FBXL20: variants seen among roughly 807,000 people sequenced by gnomAD.
The protein encoded by FBXL20 is F-box/LRR-repeat protein 20.
Under a neutral mutation model 64.0 loss-of-function variants are expected in FBXL20, and 11 were observed. The observed-to-expected ratio is 0.17, with a 90% CI of 0.11 to 0.28. The LOEUF is 0.28. Ranked by LOEUF, FBXL20 falls within the 10% of genes least tolerant of loss-of-function variation. The pLI, the probability that FBXL20 is intolerant of heterozygous loss-of-function variation, is 1.00. For synonymous variants in FBXL20, 184 were observed against 189.0 expected (o/e 0.97, Z 0.22); for missense variants, 303 against 526.2 (o/e 0.58, Z 4.15).
chr17:39,315,868 A>AGAGG (rs368094288), intron 2 of FBXL20, among the ~76,000 whole-genome samples: 395 of 144,578 alleles, frequency 2.7e-3, no homozygotes, highest in East Asian at 5.1e-3. Context: ...AGAGAGAGAG[A>AGAGG]GAGCAACTGT....
intron 1 of FBXL20, among the ~76,000 whole-genome samples, chr17:39,396,928 G>C (rs2048189729): frequency 6.7e-6 from 1 of 148,368 alleles, no homozygotes; most frequent in Non-Finnish European, 1.5e-5. Context: ...CTGCACTCCA[G>C]CCTGGGCGAC....
At position 39,259,770 on chromosome 17, in the gene FBXL20, G is replaced by C. The variant is rs916389743; in HGVS notation, c.*1690C>G. 6.6e-6 allele frequency: 1 copy of C among 152,104 alleles called. No homozygotes were observed. Among genetic ancestry groups the C allele is most frequent in the Non-Finnish European group, 1.5e-5 (1 of 68,148 alleles). The allele number at this position is 152,104 out of a possible 1,614,324, so 9.4% of individuals were successfully genotyped here. On this transcript the variant is annotated 3_prime_UTR_variant, in exon 15 of 15. Transcript: ENST00000264658. ...AGGCTGAGGCAGGTGGATCATTTGA[G>C]GTCAGGAGTTCAAGACCAGGCTGGC...
intron 3 of FBXL20, among the ~76,000 whole-genome samples, 197 bp from the exon 4 acceptor site, chr17:39,301,272 G>T (rs1044024769): frequency 1.3e-5 from 2 of 151,996 alleles, no homozygotes; most frequent in Non-Finnish European, 2.9e-5. Flanking sequence ...TCTCATAAAC[G>T]AGTGGGTACT....
intron 1 of FBXL20, among the ~76,000 whole-genome samples, chr17:39,350,728 T>G (rs768807896): frequency 4.6e-5 from 7 of 152,136 alleles, no homozygotes; most frequent in Non-Finnish European, 1.0e-4. Context: ...AACTCCAGGT[T>G]TGTAAGAAAG....
At chr17:39,275,243 G>C (rs953397465) in intron 9 of FBXL20, 143 bp from the exon 10 acceptor site, 1 of 848,496 alleles carries the variant, frequency 1.2e-6, no homozygotes, top group Non-Finnish European at 1.8e-6. Context: ...AGACCTAAAA[G>C]AAAATGAACA....
chr17:39,328,674 A>G (rs1160472384), intron 2 of FBXL20, among the ~76,000 whole-genome samples: 4 of 152,254 alleles, frequency 2.6e-5, no homozygotes, highest in African/African-American at 9.6e-5. Context: ...TTAGAAAATC[A>G]CAATCATATT....
At chr17:39,376,742 C>T (rs2047970833) in intron 1 of FBXL20, among the ~76,000 whole-genome samples, 1 of 152,148 alleles carries the variant, frequency 6.6e-6, no homozygotes, top group Admixed American at 6.6e-5. Context: ...AACCCAGGTG[C>T]AGTGGCTCAT....
intron 8 of FBXL20, among the ~76,000 whole-genome samples, chr17:39,281,681 AATC>A (rs1430477859): frequency 1.1e-4 from 17 of 152,182 alleles, no homozygotes; most frequent in Non-Finnish European, 2.4e-4. Flanking sequence ...AAATTCACAT[AATC>A]ATCAAATCAA....
At chr17:39,268,358 A>AAAT (rs1181535001) in intron 12 of FBXL20, among the ~76,000 whole-genome samples, 1 of 152,132 alleles carries the variant, frequency 6.6e-6, no homozygotes, top group Admixed American at 6.6e-5. Context: ...CATCTCAAAA[A>AAAT]AATAATAATA....
intron 2 of FBXL20, among the ~76,000 whole-genome samples, chr17:39,308,561 TAC>T (rs2047203998): frequency 1.4e-5 from 2 of 140,196 alleles, no homozygotes; most frequent in African/African-American, 6.0e-5. Context: ...AAATTTTTAA[TAC>T]AATAATTTTT....
At chr17:39,371,191 C>T (rs543849042) in intron 1 of FBXL20, among the ~76,000 whole-genome samples, 52 of 151,950 alleles carry the variant, frequency 3.4e-4, no homozygotes, top group South Asian at 1.9e-3. Flanking sequence ...GCAATGAGGG[C>T]GAAACTCCAC....
chr17:39,252,673 ACTTT>A lies in FBXL20; in HGVS notation c.*8783_*8786del, dbSNP rs2046660472. 6.6e-6 allele frequency: 1 copy of A among 152,194 alleles called. No individual in the cohort carries two copies. Among genetic ancestry groups the A allele is most frequent in the Non-Finnish European group, 1.5e-5 (1 of 67,990 alleles). 9.4% of individuals were successfully genotyped at this position (152,194 alleles called of 1,614,324 possible). A position where few individuals can be genotyped will look rare whatever the true frequency, so the allele number is the denominator to read the frequency against. ...GGAAAATGAAAAGTCTTCACAGCTT[ACTTT>A]CTTTAATTACATCATAAAACAAAAT... On this transcript the variant is annotated 3_prime_UTR_variant, in exon 15 of 15. Transcript: ENST00000264658.
intron 1 of FBXL20, among the ~76,000 whole-genome samples, chr17:39,372,338 G>A (rs547084189): frequency 2.6e-5 from 4 of 151,484 alleles, no homozygotes; most frequent in African/African-American, 9.7e-5. Flanking sequence ...GGCCAACAAG[G>A]TGAAACCCCG....
At chr17:39,328,704 CTG>C (rs1244721609) in intron 2 of FBXL20, among the ~76,000 whole-genome samples, 1 of 152,120 alleles carries the variant, frequency 6.6e-6, no homozygotes, top group African/African-American at 2.4e-5. Context: ...ATAGTAATAA[CTG>C]TTTCAGGAAA....
At chr17:39,263,332 T>C (rs2046764331) in intron 14 of FBXL20, among the ~76,000 whole-genome samples, 1 of 151,830 alleles carries the variant, frequency 6.6e-6, no homozygotes, top group Non-Finnish European at 1.5e-5. Context: ...CTGGGCAACA[T>C]GGTAAAATGC....
intron 2 of FBXL20, among the ~76,000 whole-genome samples, chr17:39,329,598 G>A (rs1378547505): frequency 6.6e-6 from 1 of 151,974 alleles, no homozygotes; most frequent in African/African-American, 2.4e-5. Flanking sequence ...ATCTATCTTA[G>A]ATATATATGT....
intron 6 of FBXL20, among the ~76,000 whole-genome samples, chr17:39,293,084 T>C (rs1459203125): frequency 1.3e-5 from 2 of 152,078 alleles, no homozygotes; most frequent in Non-Finnish European, 2.9e-5. Flanking sequence ...TGAGCCACTG[T>C]GCCTGGCCAA....
intron 1 of FBXL20, among the ~76,000 whole-genome samples, chr17:39,385,514 A>AT (rs1350239319): frequency 1.3e-5 from 2 of 152,208 alleles, no homozygotes; most frequent in Non-Finnish European, 2.9e-5. Context: ...GCCTATTCCT[A>AT]TAACTGTCTT....
intron 1 of FBXL20, among the ~76,000 whole-genome samples, chr17:39,395,262 T>C (rs981228975): frequency 2.6e-5 from 4 of 152,002 alleles, no homozygotes; most frequent in South Asian, 2.1e-4. Context: ...CCATCTCTAC[T>C]AAAAACACAA....
Sources: allele counts gnomAD v4.1 joint callset (sites outside exome capture counted in the v4.1 genomes callset), GRCh38; gene constraint gnomAD v4.1.1; transcripts MANE v1.5; gene names NCBI Gene and HGNC (gene_info 2026-07-23, HGNC 2026-07-21).